The following HCRTR2 variants were observed in gnomAD, a reference collection of about 807,000 sequenced individuals.
HCRTR2 encodes the protein hypocretin receptor 2, also known as orexin receptor type 2.
HCRTR2 carries 22 observed loss-of-function variants against 49.0 expected under a neutral mutation model. That is an observed-to-expected ratio of 0.45 (90% confidence interval 0.32 to 0.64). The LOEUF is 0.64. HCRTR2 is among the 30% of genes least tolerant of loss of function. The pLI, the probability that HCRTR2 is intolerant of heterozygous loss-of-function variation, is 0.04. For missense variants in HCRTR2, 491 were observed against 559.4 expected, an observed-to-expected ratio of 0.88 and a Z score of 1.23; for synonymous variants, 236 against 205.3, an observed-to-expected ratio of 1.15 and a Z score of -1.28.
chr6:55,217,654 T>C (rs979442545), intron 1 of HCRTR2, among the ~76,000 whole-genome samples: 10 of 152,296 alleles, frequency 6.6e-5, no homozygotes, highest in Middle Eastern at 3.4e-3. Context: ...ACGGCCTTCA[T>C]TGTCTATAAG....
At chr6:55,118,675 A>G (rs1764153243) in intron 1 of HCRTR2, among the ~76,000 whole-genome samples, 1 of 151,778 alleles carries the variant, frequency 6.6e-6, no homozygotes, top group African/African-American at 2.4e-5. Flanking sequence ...TTTTATTTAT[A>G]TGATTGTTGG....
At chr6:55,178,403 AT>A (rs541895839) in intron 1 of HCRTR2, among the ~76,000 whole-genome samples, 86 of 152,150 alleles carry the variant, frequency 5.7e-4, no homozygotes, top group African/African-American at 1.9e-3. Flanking sequence ...ATCCAAGTCA[AT>A]TTTTTTATAA....
intron 1 of HCRTR2, among the ~76,000 whole-genome samples, chr6:55,129,926 C>T (rs909922716): frequency 6.6e-6 from 1 of 152,020 alleles, no homozygotes; most frequent in Non-Finnish European, 1.5e-5. Flanking sequence ...ATTTCCGCTG[C>T]TTTTCCCTTA....
At chr6:55,247,329 T>C (rs1429839621) in intron 1 of HCRTR2, among the ~76,000 whole-genome samples, 1 of 152,172 alleles carries the variant, frequency 6.6e-6, no homozygotes, top group Admixed American at 6.6e-5. Context: ...CCAGGTATCT[T>C]GTTAAATTGA....
At position 55,136,323 on chromosome 6, in the gene HCRTR2, C is replaced by T. The variant is rs373436180; in HGVS notation, c.-378+29778C>T. On this transcript the variant is annotated intron_variant, in intron 1 of 7. Coordinates refer to the HCRTR2 transcript ENST00000615358. ...AAACCTTGAATTTAACTACTAGAGC[C>T]GCAGTATGATTATAATAATGAGTCA... Among the ~76,000 whole-genome samples, 8 of 152,186 alleles carry T rather than the reference C, an allele frequency of 5.3e-5. No homozygotes were observed. In the South Asian group the frequency reaches 8.3e-4, roughly 16 times the overall value.
At chr6:55,162,565 A>C (rs1372727135) in intron 1 of HCRTR2, among the ~76,000 whole-genome samples, 3 of 152,214 alleles carry the variant, frequency 2.0e-5, no homozygotes, top group Non-Finnish European at 4.4e-5. Flanking sequence ...TTTGTGGATG[A>C]CATCATTGTA....
At chr6:55,262,957 A>T (rs1288879680) in intron 3 of HCRTR2, among the ~76,000 whole-genome samples, 1 of 151,484 alleles carries the variant, frequency 6.6e-6, no homozygotes, top group Admixed American at 6.6e-5. Flanking sequence ...ACAGTCCTAG[A>T]GGTGTTTATG....
intron 1 of HCRTR2, among the ~76,000 whole-genome samples, chr6:55,180,026 G>C (rs1209765628): frequency 6.6e-6 from 1 of 152,186 alleles, no homozygotes; most frequent in African/African-American, 2.4e-5. Flanking sequence ...TGGTGAAGCT[G>C]ACGGTATTTG....
rs568015881 is a variant in HCRTR2 at position 55,194,511 on chromosome 6, G to A, written c.223+19701G>A. On this transcript the variant is annotated intron_variant, in intron 1 of 6. Transcript: ENST00000370862. Reference sequence around the variant, plus strand: ...TACATATAATTAAATATGGATATTTGTTTTCAAATATCAAATAATAAAATA... The same window carrying A: ...TACATATAATTAAATATGGATATTTATTTTCAAATATCAAATAATAAAATA... 5.3e-5 allele frequency among the ~76,000 whole-genome samples: 8 copies of A among 152,050 alleles called. No individual in the cohort carries two copies. The South Asian group carries it at 1.2e-3, about 24-fold the overall frequency.
intron 1 of HCRTR2, among the ~76,000 whole-genome samples, chr6:55,197,771 G>C (rs1221377542): frequency 1.3e-5 from 2 of 151,962 alleles, no homozygotes; most frequent in Non-Finnish European, 2.9e-5. Context: ...ACAGGTGCCC[G>C]CCACCATGCC....
intron 1 of HCRTR2, among the ~76,000 whole-genome samples, chr6:55,214,137 G>T: frequency 6.6e-6 from 1 of 152,082 alleles, no homozygotes; most frequent in East Asian, 1.9e-4. Flanking sequence ...ACCAAAGGGA[G>T]GAAGAGATTA....
intron 1 of HCRTR2, among the ~76,000 whole-genome samples, chr6:55,168,459 T>C (rs1038992424): frequency 1.3e-5 from 2 of 152,212 alleles, no homozygotes; most frequent in Admixed American, 1.3e-4. Context: ...TTTCTGGAAT[T>C]GGACCCTGAC....
At chr6:55,192,929 G>A (rs1404177906) in intron 1 of HCRTR2, among the ~76,000 whole-genome samples, 1 of 152,132 alleles carries the variant, frequency 6.6e-6, no homozygotes, top group Non-Finnish European at 1.5e-5. Flanking sequence ...ATGGCTACAA[G>A]GTCACAGGGA....
At chr6:55,128,317 T>A (rs908251230) in intron 1 of HCRTR2, among the ~76,000 whole-genome samples, 1 of 152,206 alleles carries the variant, frequency 6.6e-6, no homozygotes, top group African/African-American at 2.4e-5. Context: ...CTGTTTTGGT[T>A]ATTGTAGCCC....
Position 55,262,073 on chromosome 6 carries a change from A to G in HCRTR2, c.647-1634A>G, listed in dbSNP as rs1766767587. 2.0e-5 allele frequency among the ~76,000 whole-genome samples: 3 copies of G among 151,944 alleles called. No homozygotes were observed. In the South Asian group the frequency reaches 6.2e-4, roughly 32 times the overall value. Reference sequence around the variant, plus strand: ...TTCTCACTCATAAGTGGGAGGATGCAAAGGCATAAGAATGATAAAATGGAC... The same window carrying G: ...TTCTCACTCATAAGTGGGAGGATGCGAAGGCATAAGAATGATAAAATGGAC... On this transcript the variant is annotated intron_variant, in intron 3 of 6. Transcript: ENST00000370862.
intron 1 of HCRTR2, among the ~76,000 whole-genome samples, chr6:55,237,231 A>G (rs1314031552): frequency 2.0e-5 from 3 of 152,120 alleles, no homozygotes; most frequent in Non-Finnish European, 2.9e-5. Context: ...GAAATATTTT[A>G]TGAAAAATTG....
At chr6:55,148,402 T>C (rs1321815851) in intron 1 of HCRTR2, among the ~76,000 whole-genome samples, 1 of 152,126 alleles carries the variant, frequency 6.6e-6, no homozygotes, top group African/African-American at 2.4e-5. Context: ...TCATCTAAAA[T>C]TCTGGATTAT....
chr6:55,284,305 C>T (rs977654240), downstream of HCRTR2, among the ~76,000 whole-genome samples: 3 of 152,112 alleles, frequency 2.0e-5, no homozygotes, highest in African/African-American at 7.2e-5. Flanking sequence ...GTCAGAATTC[C>T]TTTGCTCTAA....
intron 1 of HCRTR2, among the ~76,000 whole-genome samples, chr6:55,123,752 G>T (rs1764235081): frequency 6.6e-6 from 1 of 152,098 alleles, no homozygotes; most frequent in Admixed American, 6.5e-5. Context: ...AATCCATCTG[G>T]TCCTGCACTT....
Sources: allele counts gnomAD v4.1 joint callset (sites outside exome capture counted in the v4.1 genomes callset), GRCh38; gene constraint gnomAD v4.1.1; transcripts MANE v1.5; gene names NCBI Gene and HGNC (gene_info 2026-07-23, HGNC 2026-07-21).